Variants in ABCA7 observed in about 807,000 individuals in gnomAD.
ABCA7 encodes the protein ATP binding cassette subfamily A member 7.
A neutral mutation model predicts 227.6 loss-of-function variants in ABCA7; 261 were observed. The observed-to-expected ratio is 1.15, with a 90% CI of 1.04 to 1.27. The LOEUF (loss-of-function observed/expected upper bound fraction) is 1.27. Among genes scored for constraint, ABCA7 ranks in the 50% most tolerant of loss-of-function variants. The pLI is 0.00. For missense variants in ABCA7, 3,331 were observed against 2,924.5 expected (o/e 1.14, Z -3.21); for synonymous variants, 1,488 against 1,279.7 (o/e 1.16, Z -3.47).
chr19:1,053,956 C>A, intron 25 of ABCA7, 50 bp from the exon 26 acceptor site: 2 of 1,608,542 alleles, frequency 1.2e-6, no homozygotes, highest in Middle Eastern at 1.7e-4. Flanking sequence ...ATTCCTGATC[C>A]CCCAATCCGT....
rs1209812211 is a variant in ABCA7 at position 1,056,868 on chromosome 19, A to G, written c.4587-39A>G. The G allele has an allele frequency of 6.3e-7, 1 of 1,593,456 alleles. No individual in the cohort carries two copies. The highest frequency in any genetic ancestry group is 1.7e-5 in the Admixed American group (1 of 59,088). On this transcript the variant is annotated intron_variant, in intron 33 of 46. Transcript: ENST00000263094. The surrounding 1 kb of genome is among the most constrained non-coding windows in gnomAD (Gnocchi z 4.3). ...CAGCTCTGCTCTGAGCAACCCATGC[A>G]CCCTCACCCTACAACAGCTCTCATG...
chr19:1,043,089 C>A lies in ABCA7; in HGVS notation c.628C>A (p.Pro210Thr). ...GGAGCTTCGGGCACTGCTGCAGAGA[C>A]CCCGAGGGACCAGCGGCCCCCTGGA... ...LVELRALLQR[P>T]RGTSGPLELL... The change falls in exon 8 of 47, where the codon CCC (proline) becomes ACC (threonine). Residue 210 changes from proline to threonine, a missense_variant. Coordinates refer to ENST00000263094, the MANE Select transcript of ABCA7 (RefSeq NM_019112.4). The A allele has an allele frequency of 6.2e-7, 1 of 1,612,342 alleles. No homozygotes were observed. Among genetic ancestry groups the A allele is most frequent in the Non-Finnish European group, 8.5e-7 (1 of 1,179,474 alleles).
chr19:1,047,383 G>C lies in ABCA7; in HGVS notation c.2067+5G>C. 3 of 1,563,464 alleles carry C rather than the reference G, an allele frequency of 1.9e-6. No homozygotes were observed. In the African/African-American group the frequency reaches 4.1e-5, roughly 21 times the overall value. On this transcript the variant is annotated splice_donor_5th_base_variant and intron_variant, in intron 15 of 46. Transcript: ENST00000263094. ...GCGGGTGGCCGCGTGGCCGCGGTGA[G>C]AGCCGGGTCGGGCGTGGATGGGGGA...
Position 1,044,673 on chromosome 19 carries a change from G to A in ABCA7, c.1144G>A (p.Gly382Ser), listed in dbSNP as rs138055574. ...ALRSFLDPGS[G>S]GYSWQDAHAD... is the part of the protein sequence containing the mutation. ...GCGATCCTTTCTGGACCCTGGGAGC[G>A]GTGGCTACAGCTGGCAGGACGCACA... The change falls in exon 11 of 47, where the codon GGT becomes AGT. Residue 382 changes from glycine to serine, a missense_variant. By Grantham distance (56) the Gly-to-Ser change is moderately conservative (BLOSUM62 0). Coordinates refer to ENST00000263094, the MANE Select transcript of ABCA7 (RefSeq NM_019112.4). 46 of 1,612,880 alleles carry A rather than the reference G, an allele frequency of 2.9e-5. No individual in the cohort carries two copies. In the African/African-American group the frequency reaches 5.7e-4, roughly 20 times the overall value.
rs771257677 is a variant in ABCA7 at position 1,058,905 on chromosome 19, CA to C, written c.5366del (p.Gln1789ArgfsTer7). 4.4e-6 allele frequency: 7 copies of C among 1,592,384 alleles called. No homozygotes were observed. The African/African-American group carries it at 6.7e-5, about 15-fold the overall frequency. The stretch of plus-strand genomic sequence containing the variant: ...GGAGCGGGTGGTCCAAGGAGCCACC[CA>C]GGGGGATGTGTTGGTGCTGAGGAAC... Reference protein sequence around the residue: ...ERERVVQGATQGDVLVLRNLT... With the variant: ...ERERVVQGATXGDVLVLRNLT... On this transcript the variant is annotated frameshift_variant, in exon 39 of 47. Transcript: ENST00000263094. LOFTEE classifies it high-confidence loss of function.
rs546457358 is a variant in ABCA7, at chr19:1,059,928, C to T, written c.5463+843C>T. On this transcript the variant is annotated intron_variant, in intron 40 of 46. Transcript: ENST00000263094. ...ACTGCATGCTTACCTCTGTTAAACA[C>T]ACACTGTGCTCACTAAAGAGGTGTA... is the stretch of plus-strand genomic sequence containing the variant. 2.6e-5 allele frequency among the ~76,000 whole-genome samples: 4 copies of T among 152,322 alleles called. No homozygotes were observed. In the East Asian group the frequency reaches 5.8e-4, roughly 22 times the overall value.
At chr19:1,043,965 T>G (rs1599562104) in intron 10 of ABCA7, 124 bp downstream of exon 10, 103 of 716,788 alleles carry the variant, frequency 1.4e-4, no homozygotes, top group Middle Eastern at 4.1e-4. Flanking sequence ...TGAGATGGAG[T>G]CTCGCTCTGT....
intron 40 of ABCA7, among the ~76,000 whole-genome samples, chr19:1,061,571 C>A (rs1391548121): frequency 6.6e-6 from 1 of 151,420 alleles, no homozygotes; most frequent in South Asian, 2.1e-4. Flanking sequence ...TGGTGGCAGG[C>A]GTCTGTAGCC....
chr19:1,050,796 A>ATAATAATAG (rs1236283351), intron 18 of ABCA7, 125 bp from the exon 19 acceptor site: 1 of 194,016 alleles, frequency 5.2e-6, no homozygotes, highest in African/African-American at 3.4e-5. Flanking sequence ...AATAATAATA[A>ATAATAATAG]TAATAATAAT....
chr19:1,048,170 A>G (rs2040905770), intron 16 of ABCA7, among the ~76,000 whole-genome samples: 1 of 145,222 alleles, frequency 6.9e-6, no homozygotes, highest in Non-Finnish European at 1.5e-5. Context: ...CCTGGGCAAC[A>G]GAGTGAGACC....
Position 1,058,843 on chromosome 19 carries a change from T to TCCTG in ABCA7, c.5304_5307dup (p.Gly1770ProfsTer11). The stretch of plus-strand genomic sequence containing the variant: ...AGGCCCAGGGTGAGGTCTCTGCCAC[T>TCCTG]CCTGGGAGAGGAGGACGAGGATGTA... On this transcript the variant is annotated frameshift_variant, in exon 39 of 47. Coordinates refer to ENST00000263094, the MANE Select transcript of ABCA7 (RefSeq NM_019112.4). LOFTEE classifies it high-confidence loss of function. 6.3e-7 allele frequency: 1 copy of TCCTG among 1,577,048 alleles called. No individual in the cohort carries two copies. The highest frequency in any genetic ancestry group is 8.6e-7 in the Non-Finnish European group (1 of 1,158,484).
intron 40 of ABCA7, among the ~76,000 whole-genome samples, chr19:1,061,324 G>T (rs999135683): frequency 6.6e-6 from 1 of 150,858 alleles, no homozygotes; most frequent in South Asian, 2.1e-4. Context: ...TTGAACCCAG[G>T]AGGTGGAGGT....
chr19:1,052,047 T>C lies in ABCA7; in HGVS notation c.3068T>C (p.Leu1023Pro). The C allele has an allele frequency of 6.2e-7, 1 of 1,612,294 alleles. No homozygotes were observed. The highest frequency in any genetic ancestry group is 8.5e-7 in the Non-Finnish European group (1 of 1,179,894). ...GGRLCCCGSP[L>P]FLRRHLGSGY... is the part of the protein sequence containing the mutation. ...CGCTTGTGCTGCTGTGGCTCCCCAC[T>C]CTTCCTGCGCCGTCACCTGGGCTCC... Residue 1023 changes from leucine to proline, a missense_variant, in exon 22 of 47, where the codon CTC (leucine) becomes CCC (proline). Coordinates refer to ENST00000263094, the MANE Select transcript of ABCA7 (RefSeq NM_019112.4).
Position 1,058,656 on chromosome 19 carries a change from G to T in ABCA7, c.5188G>T (p.Val1730Phe). The change falls in exon 38 of 47, where the codon GTC (valine) becomes TTC (phenylalanine). Residue 1730 changes from valine (V) to phenylalanine (F), a missense_variant. Transcript: ENST00000263094. ...CCAGTCACCCCTGCGCTGGGAGGTG[G>T]TCGGCAAGAACCTCTTGGCCATGGT... The part of the protein sequence containing the change: ...QFQSPLRWEV[V>F]GKNLLAMVIQ... 3 of 1,613,952 alleles carry T rather than the reference G, an allele frequency of 1.9e-6. No individual in the cohort carries two copies. Among genetic ancestry groups the T allele is most frequent in the Non-Finnish European group, 2.5e-6 (3 of 1,180,004 alleles).
chr19:1,045,418 G>T (rs1169356457), intron 12 of ABCA7, 187 bp downstream of exon 12: 4 of 632,076 alleles, frequency 6.3e-6, no homozygotes, highest in South Asian at 2.0e-5. Context: ...GCGGGGCCTA[G>T]GTGCATGAGG....
chr19:1,053,658 G>A (rs1036519464), intron 24 of ABCA7, 127 bp downstream of exon 24: 1 of 1,515,010 alleles, frequency 6.6e-7, no homozygotes, highest in African/African-American at 1.4e-5. Context: ...TGGCACATGA[G>A]GAGCTCTGGT....
In ABCA7 at chr19:1,056,574, G is replaced by A. The variant is rs2042272979; in HGVS notation, c.4586+75G>A. The stretch of plus-strand genomic sequence containing the variant: ...CCATTTCTCTGTCGTTTGGGGTGGT[G>A]GGAGCTGGATTTGAACCCTGACACA... On this transcript the variant is annotated intron_variant, in intron 33 of 46. Coordinates refer to ENST00000263094, the MANE Select transcript of ABCA7 (RefSeq NM_019112.4). The surrounding 1 kb of genome is among the most constrained non-coding windows in gnomAD (Gnocchi z 4.3). 2 of 1,500,114 alleles carry A rather than the reference G, an allele frequency of 1.3e-6. No homozygotes were observed. The highest frequency in any genetic ancestry group is 1.8e-6 in the Non-Finnish European group (2 of 1,113,360). The allele number at this position is 1,500,114 out of a possible 1,614,324, so 92.9% of individuals were successfully genotyped here.
intron 42 of ABCA7, among the ~76,000 whole-genome samples, chr19:1,062,889 C>A (rs1357170953): frequency 6.7e-6 from 1 of 148,330 alleles, no homozygotes; most frequent in Non-Finnish European, 1.5e-5. Context: ...CATACTCATG[C>A]TGGCTCCACC....
intron 1 of ABCA7, 164 bp from the exon 2 acceptor site, chr19:1,041,061 G>A: frequency 2.0e-6 from 1 of 488,908 alleles, no homozygotes; most frequent in Non-Finnish European, 3.7e-6. Context: ...GAGGATTAGA[G>A]GATGATCTTT....
Sources: allele counts gnomAD v4.1 joint callset (sites outside exome capture counted in the v4.1 genomes callset), GRCh38; gene constraint gnomAD v4.1.1; non-coding constraint Gnocchi (gnomAD v3.1); transcripts MANE v1.5; gene names NCBI Gene and HGNC (gene_info 2026-07-23, HGNC 2026-07-21).